UGGT2: variants seen among roughly 807,000 people sequenced by gnomAD.
UGGT2 encodes UDP-glucose glycoprotein glucosyltransferase 2.
In UGGT2, 180 loss-of-function variants were observed where a neutral mutation model predicts 192.1. That is an observed-to-expected ratio of 0.94 (90% CI 0.83 to 1.06). The LOEUF (loss-of-function observed/expected upper bound fraction) is 1.06, where lower values mean the gene tolerates loss of function less well. Among genes scored for constraint, UGGT2 ranks in the 50% least tolerant of loss-of-function variants. The pLI is 0.00. For synonymous variants in UGGT2, 580 were observed against 591.0 expected (o/e 0.98, Z 0.27); for missense variants, 1,849 against 1,795.7 (o/e 1.03, Z -0.54).
intron 38 of UGGT2, among the ~76,000 whole-genome samples, chr13:95,805,802 A>G (rs1306959907): frequency 6.6e-6 from 1 of 152,174 alleles, no homozygotes; most frequent in Non-Finnish European, 1.5e-5. Context: ...TAATGAGTAT[A>G]GAGTTTCAGA....
At chr13:95,924,702 C>A (rs549105240) in intron 20 of UGGT2, among the ~76,000 whole-genome samples, 21 of 151,870 alleles carry the variant, frequency 1.4e-4, no homozygotes, top group Non-Finnish European at 2.9e-4. Context: ...ATCTCTTTAC[C>A]CTTGTTCTGG....
At position 95,854,394 on chromosome 13, in the gene UGGT2, G is replaced by T. The variant is rs775045421; in HGVS notation, c.4090C>A (p.Arg1364Ser). The change falls in exon 35 of 39, where the codon CGC becomes AGC. Residue 1364 changes from arginine (R) to serine (S), a missense_variant. Coordinates refer to ENST00000376747, the MANE Select transcript of UGGT2 (RefSeq NM_020121.4). Reference sequence around the variant, plus strand: ...AAACGATATCCATCCATTTCCCTGCGGCTATCACAAAATGGAGTATACCCA... The same window carrying T: ...AAACGATATCCATCCATTTCCCTGCTGCTATCACAAAATGGAGTATACCCA... Reference protein sequence around the residue: ...PYGYTPFCDSRREMDGYRFWK... With the variant: ...PYGYTPFCDSSREMDGYRFWK... 2 of 1,613,622 alleles carry T rather than the reference G, an allele frequency of 1.2e-6. No individual in the cohort carries two copies. Among genetic ancestry groups the T allele is most frequent in the East Asian group, 4.5e-5 (2 of 44,854 alleles).
intron 38 of UGGT2, among the ~76,000 whole-genome samples, chr13:95,820,443 G>C (rs189599775): frequency 2.0e-5 from 3 of 152,062 alleles, no homozygotes; most frequent in African/African-American, 4.8e-5. Context: ...GGTAACTTTG[G>C]TAACAATAGA....
chr13:95,828,450 A>G (rs1034449729), intron 38 of UGGT2, among the ~76,000 whole-genome samples: 1 of 152,182 alleles, frequency 6.6e-6, no homozygotes, highest in Non-Finnish European at 1.5e-5. Context: ...AGGAGAGAAG[A>G]ATCAAATAGA....
rs747070611 is a variant in UGGT2 at position 96,023,654 on chromosome 13, G to C, written c.347C>G (p.Ser116Cys). 1 of 1,610,704 alleles carries C rather than the reference G, an allele frequency of 6.2e-7. No individual in the cohort carries two copies. Among genetic ancestry groups the C allele is most frequent in the Non-Finnish European group, 8.5e-7 (1 of 1,177,896 alleles). Reference sequence around the variant, plus strand: ...CTGCTGAAACATCTGAATAGCTGGGGAGTATGCCCTTATAGAGAAAGCAAA... The same window carrying C: ...CTGCTGAAACATCTGAATAGCTGGGCAGTATGCCCTTATAGAGAAAGCAAA... ...LKFAFSIRAYSPAIQMFQQIA... is the reference protein window; with the variant it reads ...LKFAFSIRAYCPAIQMFQQIA... The change falls in exon 3 of 39, where the codon TCC becomes TGC. Residue 116 changes from serine to cysteine, a missense_variant. Physicochemically the swap from Ser to Cys is moderately radical, Grantham distance 112. Coordinates refer to ENST00000376747, the MANE Select transcript of UGGT2 (RefSeq NM_020121.4).
intron 1 of UGGT2, among the ~76,000 whole-genome samples, chr13:96,043,781 T>C (rs2053230590): frequency 1.3e-5 from 2 of 152,172 alleles, no homozygotes; most frequent in Admixed American, 1.3e-4. Flanking sequence ...AGGGACATTA[T>C]ATAATGATAA....
At chr13:95,921,754 GTAT>G (rs1484880410) in intron 20 of UGGT2, among the ~76,000 whole-genome samples, 1 of 151,886 alleles carries the variant, frequency 6.6e-6, no homozygotes, top group Non-Finnish European at 1.5e-5. Context: ...GTCAGAATTG[GTAT>G]TATTAAAAAG....
chr13:95,834,107 A>G (rs987894293), intron 37 of UGGT2, among the ~76,000 whole-genome samples: 1 of 152,128 alleles, frequency 6.6e-6, no homozygotes, highest in Non-Finnish European at 1.5e-5. Flanking sequence ...TTTATAGGCA[A>G]TGTCTTCTAT....
intron 38 of UGGT2, among the ~76,000 whole-genome samples, chr13:95,813,983 G>C: frequency 6.6e-6 from 1 of 152,230 alleles, no homozygotes; most frequent in African/African-American, 2.4e-5. Flanking sequence ...TAGGCATGCA[G>C]AGTGCAAGAG....
At chr13:95,950,291 C>T (rs1225754695) in intron 12 of UGGT2, among the ~76,000 whole-genome samples, 1 of 151,976 alleles carries the variant, frequency 6.6e-6, no homozygotes, top group Non-Finnish European at 1.5e-5. Context: ...AGGTTGAAAC[C>T]ACAGCTATAA....
chr13:95,983,537 C>A, intron 10 of UGGT2: 1 of 529,114 alleles, frequency 1.9e-6, no homozygotes, highest in South Asian at 1.6e-5. Context: ...TAACTCACAG[C>A]CTTTATTCTT....
chr13:95,802,813 T>TTTTGTTTGTTTG lies in UGGT2; in HGVS notation c.4529-1013_4529-1002dup, dbSNP rs146912861. 5.6e-4 allele frequency among the ~76,000 whole-genome samples: 85 copies of TTTTGTTTGTTTG among 151,064 alleles called. 1 individual carries two copies. The highest frequency in any genetic ancestry group is 1.9e-3 in the African/African-American group (79 of 41,010). ...TGACAGCCTGGTATTAGCTATCCTT[T>TTTTGTTTGTTTG]TTTGTTTGTTTGTTTGTTTGTTTGT... On this transcript the variant is annotated intron_variant, in intron 38 of 38. Transcript: ENST00000376747.
chr13:95,996,738 A>C (rs1363295140), intron 6 of UGGT2, among the ~76,000 whole-genome samples: 1 of 152,136 alleles, frequency 6.6e-6, no homozygotes, highest in African/African-American at 2.4e-5. Context: ...GCCTGTAACA[A>C]ATGCTGGGTT....
intron 26 of UGGT2, among the ~76,000 whole-genome samples, chr13:95,885,737 C>T (rs1235575518): frequency 6.6e-6 from 1 of 152,050 alleles, no homozygotes; most frequent in Non-Finnish European, 1.5e-5. Flanking sequence ...AGTAAATGTT[C>T]AAAACAAATT....
intron 36 of UGGT2, among the ~76,000 whole-genome samples, chr13:95,850,520 G>T (rs1333436287): frequency 1.3e-5 from 2 of 152,164 alleles, no homozygotes; most frequent in African/African-American, 2.4e-5. Context: ...TGCTAGCCTT[G>T]ATCATAGGCT....
In UGGT2 at chr13:95,803,354, G is replaced by A. The variant is rs1261999251; in HGVS notation, c.4529-1542C>T. On this transcript the variant is annotated intron_variant, in intron 38 of 38. Transcript: ENST00000376747. Reference sequence around the variant, plus strand: ...CAGCTCACCGCAACCTCCGCCTCCCGGGTTCAAGCAATTCTCCTGCCTCAG... The same window carrying A: ...CAGCTCACCGCAACCTCCGCCTCCCAGGTTCAAGCAATTCTCCTGCCTCAG... 3.3e-5 allele frequency among the ~76,000 whole-genome samples: 5 copies of A among 151,812 alleles called. No individual in the cohort carries two copies. In the South Asian group the frequency reaches 8.3e-4, roughly 25 times the overall value.
Position 95,895,263 on chromosome 13 carries a change from A to C in UGGT2, c.2676T>G (p.Phe892Leu). Residue 892 changes from phenylalanine (F) to leucine (L), a missense_variant, in exon 23 of 39, where the codon TTT becomes TTG. By Grantham distance (22) the Phe-to-Leu change is conservative. Coordinates refer to ENST00000376747, the MANE Select transcript of UGGT2 (RefSeq NM_020121.4). Reference protein sequence around the residue: ...PLDEDFYAEDFYLLEKITFSN... With the variant: ...PLDEDFYAEDLYLLEKITFSN... ...TAAATGTTATCTTTTCCAACAAGTA[A>C]AAATCTTCTGCATAAAAATCTTCAT... 6.5e-7 allele frequency: 1 copy of C among 1,549,914 alleles called. No homozygotes were observed. The highest frequency in any genetic ancestry group is 8.8e-7 in the Non-Finnish European group (1 of 1,142,808).
intron 12 of UGGT2, among the ~76,000 whole-genome samples, chr13:95,949,805 C>T (rs1466769087): frequency 6.6e-6 from 1 of 152,084 alleles, no homozygotes; most frequent in Non-Finnish European, 1.5e-5. Context: ...TCTCCACCTC[C>T]CCTCTCAATT....
intron 4 of UGGT2, among the ~76,000 whole-genome samples, chr13:96,017,044 C>A (rs1244258158): frequency 6.6e-6 from 1 of 152,130 alleles, no homozygotes; most frequent in Admixed American, 6.5e-5. Flanking sequence ...TTGCATGGGG[C>A]CTGTTACTCT....
Sources: allele counts gnomAD v4.1 joint callset (sites outside exome capture counted in the v4.1 genomes callset), GRCh38; gene constraint gnomAD v4.1.1; transcripts MANE v1.5; gene names NCBI Gene and HGNC (gene_info 2026-07-23, HGNC 2026-07-21).